DHX9: variants seen among roughly 807,000 people sequenced by gnomAD.
The protein encoded by DHX9 is ATP-dependent RNA helicase A.
A neutral mutation model predicts 148.7 loss-of-function variants in DHX9; 27 were observed. The observed-to-expected ratio is 0.18, with a 90% CI of 0.13 to 0.25. The LOEUF (loss-of-function observed/expected upper bound fraction) is 0.25. Ranked by LOEUF, DHX9 falls within the 10% of genes least tolerant of loss-of-function variation. DHX9 has a pLI of 1.00. For missense variants in DHX9, 796 were observed against 1,559.6 expected (o/e 0.51, Z 8.25); for synonymous variants, 529 against 516.6 (o/e 1.02, Z -0.33).
At chr1:182,840,528 G>C (rs1025025607) in intron 1 of DHX9, among the ~76,000 whole-genome samples, 2 of 152,008 alleles carry the variant, frequency 1.3e-5, no homozygotes, top group Non-Finnish European at 2.9e-5. Flanking sequence ...TCGATCTCTC[G>C]ACCTCGTGAT....
At chr1:182,856,437 C>T in intron 6 of DHX9, 95 bp from the exon 7 acceptor site, 4 of 994,826 alleles carry the variant, frequency 4.0e-6, no homozygotes, top group East Asian at 4.8e-5. Context: ...CTGTGATTTG[C>T]CTAAGCAGTT....
rs372924910 is a variant in DHX9 at position 182,866,424 on chromosome 1, T to C, written c.1333-20T>C. ...CTAACTTTGTAGTTGTTAAGTCACT[T>C]TTCTTTTTTTCTGTCTCAGCCCAGA... On this transcript the variant is annotated intron_variant, in intron 12 of 27. Transcript: ENST00000367549. 4 of 1,610,128 alleles carry C rather than the reference T, an allele frequency of 2.5e-6. No individual in the cohort carries two copies. The African/African-American group carries it at 4.0e-5, about 16-fold the overall frequency.
chr1:182,887,287 C>G lies in DHX9; in HGVS notation c.3666C>G (p.Ser1222=), dbSNP rs2102625413. Residue 1222 remains serine, a synonymous_variant, in exon 28 of 28, where the codon TCC becomes TCG. Transcript: ENST00000367549. ...AGVGGGYRGV[S]RGGFRGNSGG... ...TTGGTGGAGGCTATAGAGGAGTTTC[C>G]CGAGGTGGCTTTAGAGGCAACTCTG... The G allele has an allele frequency of 5.0e-6, 8 of 1,613,984 alleles. No individual in the cohort carries two copies. Among genetic ancestry groups the G allele is most frequent in the Non-Finnish European group, 6.8e-6 (8 of 1,180,006 alleles).
intron 12 of DHX9, among the ~76,000 whole-genome samples, chr1:182,863,017 G>C (rs560016875): frequency 1.3e-5 from 2 of 152,280 alleles, no homozygotes; most frequent in East Asian, 3.9e-4. Context: ...AAATTCTAAA[G>C]AGAAAATGAG....
intron 3 of DHX9, among the ~76,000 whole-genome samples, chr1:182,850,234 A>G (rs1668111139): frequency 6.6e-6 from 1 of 152,066 alleles, no homozygotes; most frequent in African/African-American, 2.4e-5. Flanking sequence ...TTTGTAATGA[A>G]TGCATCAGTA....
At chr1:182,857,320 C>G (rs1040388964) in intron 7 of DHX9, among the ~76,000 whole-genome samples, 3 of 152,144 alleles carry the variant, frequency 2.0e-5, no homozygotes, top group Non-Finnish European at 4.4e-5. Context: ...ATATTCATCT[C>G]TCCTAAGGAT....
intron 22 of DHX9, 86 bp from the exon 23 acceptor site, chr1:182,881,178 T>C (rs1649069353): frequency 2.2e-6 from 3 of 1,383,532 alleles, no homozygotes; most frequent in African/African-American, 2.9e-5. Context: ...CCATAAAGAC[T>C]GCAACCCACA....
intron 12 of DHX9, among the ~76,000 whole-genome samples, chr1:182,865,690 AT>A (rs1416519113): frequency 1.3e-5 from 2 of 152,230 alleles, no homozygotes; most frequent in African/African-American, 4.8e-5. Flanking sequence ...TCAGGAACTT[AT>A]AGACAGAATC....
chr1:182,845,229 A>G (rs1190637208), intron 3 of DHX9, among the ~76,000 whole-genome samples: 4 of 152,164 alleles, frequency 2.6e-5, no homozygotes, highest in Non-Finnish European at 5.9e-5. Flanking sequence ...ACAGTTTTGC[A>G]AATGTCTTTT....
At chr1:182,865,801 G>A (rs573759720) in intron 12 of DHX9, among the ~76,000 whole-genome samples, 14 of 152,286 alleles carry the variant, frequency 9.2e-5, no homozygotes, top group Middle Eastern at 3.4e-3. Flanking sequence ...AGTAAAGATC[G>A]TTTTTGTACT....
At position 182,856,645 on chromosome 1, in the gene DHX9, C is replaced by A. The variant is rs951068514; in HGVS notation, c.673+67C>A. ...GAGAAGGAATCTTCACATTTTAAGT[C>A]TTGAGTCACGTATACAGAAGCTGTA... On this transcript the variant is annotated intron_variant, in intron 7 of 27. Coordinates refer to ENST00000367549, the MANE Select transcript of DHX9 (RefSeq NM_001357.5). 57 of 1,415,348 alleles carry A rather than the reference C, an allele frequency of 4.0e-5. 1 individual carries two copies. The Admixed American group carries it at 9.8e-4, about 24-fold the overall frequency. The allele number at this position is 1,415,348 out of a possible 1,614,324, so 87.7% of individuals were successfully genotyped here. A position where few individuals can be genotyped will look rare whatever the true frequency, so the allele number is the denominator to read the frequency against.
intron 27 of DHX9, among the ~76,000 whole-genome samples, chr1:182,886,564 TA>T (rs1284825411): frequency 6.6e-6 from 1 of 152,174 alleles, no homozygotes; most frequent in African/African-American, 2.4e-5. Flanking sequence ...TGCACAGGAA[TA>T]ATAAGCAGAT....
In DHX9 at chr1:182,881,337, C is replaced by T. The variant is rs1241188459; in HGVS notation, c.2698C>T (p.Leu900=). Residue 900 remains leucine, a synonymous_variant, in exon 23 of 28, where the codon CTG becomes TTG. Transcript: ENST00000367549. Reference sequence around the variant, plus strand: ...GCCTTTCATCAATGAAGGAAAGCGGCTGGGCTATATCCATCGAAATTTTGC... The same window carrying T: ...GCCTTTCATCAATGAAGGAAAGCGGTTGGGCTATATCCATCGAAATTTTGC... ...PEPFINEGKR[L]GYIHRNFAGN... The T allele has an allele frequency of 6.2e-7, 1 of 1,614,176 alleles. No individual in the cohort carries two copies.
chr1:182,856,608 A>G (rs1668254632), intron 7 of DHX9, 30 bp downstream of exon 7: 1 of 1,604,902 alleles, frequency 6.2e-7, no homozygotes, highest in Non-Finnish European at 8.5e-7. Flanking sequence ...CAATATTCCA[A>G]GTCTCTGTAT....
Position 182,858,767 on chromosome 1 carries a change from T to C in DHX9, c.935T>C (p.Ile312Thr). ...EDPSVPVALN[I>T]GKLAQFEPSQ... ...CCTTCTGTGCCAGTTGCACTCAACA[T>C]TGGCAAATTGGCTCAGTTCGAACCA... Residue 312 changes from isoleucine (I) to threonine (T), a missense_variant, in exon 10 of 28, where the codon ATT (isoleucine) becomes ACT (threonine). Coordinates refer to ENST00000367549, the MANE Select transcript of DHX9 (RefSeq NM_001357.5). 1 of 1,614,210 alleles carries C rather than the reference T, an allele frequency of 6.2e-7. No individual in the cohort carries two copies. Among genetic ancestry groups the C allele is most frequent in the Non-Finnish European group, 8.5e-7 (1 of 1,180,040 alleles).
chr1:182,859,557 T>C (rs1668319197), intron 11 of DHX9, among the ~76,000 whole-genome samples: 1 of 152,198 alleles, frequency 6.6e-6, no homozygotes, highest in Admixed American at 6.5e-5. Flanking sequence ...AAAAACATTT[T>C]CATCACTAAG....
In DHX9 at chr1:182,849,222, T is replaced by C. The variant is rs143059713; in HGVS notation, c.253-3011T>C. 2.8e-4 allele frequency among the ~76,000 whole-genome samples: 43 copies of C among 152,332 alleles called. 1 individual carries two copies. The East Asian group carries it at 8.1e-3, about 29-fold the overall frequency. On this transcript the variant is annotated intron_variant, in intron 3 of 27. Transcript: ENST00000367549. ...GAGGATATTTTAAAATTTTTTTTGCTGTGGACAATTGTAGATGTGTATAAA... is the reference window on the plus strand; with the variant it reads ...GAGGATATTTTAAAATTTTTTTTGCCGTGGACAATTGTAGATGTGTATAAA...
chr1:182,866,422 C>G, intron 12 of DHX9, 22 bp from the exon 13 acceptor site: 1 of 1,610,308 alleles, frequency 6.2e-7, no homozygotes. Flanking sequence ...TGTTAAGTCA[C>G]TTTTCTTTTT....
At chr1:182,864,594 G>GT (rs922850838) in intron 12 of DHX9, among the ~76,000 whole-genome samples, 4 of 152,094 alleles carry the variant, frequency 2.6e-5, no homozygotes, top group Non-Finnish European at 5.9e-5. Context: ...TATTTTAAAT[G>GT]TTTTTTGTTT....
Sources: gnomAD v4.1 joint callset for allele counts (sites outside exome capture counted in the v4.1 genomes callset) on GRCh38, gnomAD v4.1.1 for gene constraint, MANE v1.5 for transcripts, NCBI Gene and HGNC (gene_info 2026-07-23, HGNC 2026-07-21) for gene names.